The following GABRB2 variants were observed in gnomAD, a reference collection of about 807,000 sequenced individuals.
GABRB2 encodes the protein gamma-aminobutyric acid receptor subunit beta-2.
Under a neutral mutation model 54.7 loss-of-function variants are expected in GABRB2, and 16 were observed. The ratio of observed to expected loss-of-function variants is 0.29; its 90% CI spans 0.20 to 0.44. GABRB2 has a LOEUF of 0.44. GABRB2 is among the 20% of genes least tolerant of loss of function. The pLI is 1.00. For synonymous variants in GABRB2, 244 were observed against 233.8 expected, an observed-to-expected ratio of 1.04 and a Z score of -0.40; for missense variants, 355 against 644.0, an observed-to-expected ratio of 0.55 and a Z score of 4.86.
intron 5 of GABRB2, among the ~76,000 whole-genome samples, chr5:161,395,901 G>T (rs1282655540): frequency 6.6e-6 from 1 of 152,094 alleles, no homozygotes; most frequent in South Asian, 2.1e-4. Context: ...TGATTTGCAA[G>T]AATATAATAA....
At chr5:161,463,551 T>TTTTATATA (rs1554102435) in intron 3 of GABRB2, among the ~76,000 whole-genome samples, 4 of 30,264 alleles carry the variant, frequency 1.3e-4, no homozygotes, top group African/African-American at 4.3e-4. Flanking sequence ...CCAAATATTT[T>TTTTATATA]TATTTATATA....
chr5:161,457,219 ATG>A (rs1757981385), intron 4 of GABRB2, among the ~76,000 whole-genome samples: 2 of 152,134 alleles, frequency 1.3e-5, no homozygotes, highest in African/African-American at 4.8e-5. Flanking sequence ...AATTCTATGT[ATG>A]TTAGATGTGT....
intron 4 of GABRB2, among the ~76,000 whole-genome samples, chr5:161,440,913 C>T (rs1387127873): frequency 6.6e-6 from 1 of 152,130 alleles, no homozygotes; most frequent in East Asian, 1.9e-4. Flanking sequence ...ACTGTATATG[C>T]ATAAGCAAAA....
At chr5:161,315,533 C>G (rs996013541) in intron 9 of GABRB2, among the ~76,000 whole-genome samples, 13 of 151,982 alleles carry the variant, frequency 8.6e-5, no homozygotes, top group Non-Finnish European at 1.6e-4. Context: ...GATATCAGGA[C>G]CCATTATTAT....
At chr5:161,427,139 A>G (rs772991306) in intron 4 of GABRB2, among the ~76,000 whole-genome samples, 7 of 152,276 alleles carry the variant, frequency 4.6e-5, no homozygotes, top group Middle Eastern at 3.4e-3. Flanking sequence ...GATACTGGAT[A>G]TTAAAATCTG....
intron 3 of GABRB2, among the ~76,000 whole-genome samples, chr5:161,538,122 C>T (rs1209954247): frequency 1.3e-5 from 2 of 151,994 alleles, no homozygotes; most frequent in Non-Finnish European, 1.5e-5. Context: ...TGACTTTGTG[C>T]GCTATGATTC....
chr5:161,390,952 A>C (rs1755803204), intron 5 of GABRB2, among the ~76,000 whole-genome samples: 2 of 152,184 alleles, frequency 1.3e-5, no homozygotes, highest in South Asian at 4.1e-4. Context: ...GCAAAAATAG[A>C]AAATTTACGG....
At chr5:161,447,349 T>C (rs1007173276) in intron 4 of GABRB2, among the ~76,000 whole-genome samples, 3 of 152,194 alleles carry the variant, frequency 2.0e-5, no homozygotes, top group African/African-American at 7.2e-5. Context: ...CTAGTATTTT[T>C]ATGCCAGAAG....
chr5:161,475,420 C>G (rs1401339760), intron 3 of GABRB2, among the ~76,000 whole-genome samples: 1 of 151,884 alleles, frequency 6.6e-6, no homozygotes, highest in Admixed American at 6.6e-5. Flanking sequence ...TAGAATCAAT[C>G]CTCTCCAATC....
In GABRB2 at chr5:161,535,423, T is replaced by G. The variant is rs564492657; in HGVS notation, c.237+9804A>C. Among the ~76,000 whole-genome samples the G allele has an allele frequency of 2.0e-5, 3 of 152,264 alleles. No homozygotes were observed. The East Asian group carries it at 5.8e-4, about 29-fold the overall frequency. On this transcript the variant is annotated intron_variant, in intron 3 of 9. Transcript: ENST00000393959. The stretch of plus-strand genomic sequence containing the variant: ...AGTAATATTTGAGGAAGGATTAGTT[T>G]ATTTGGTCCACCAACTGTTTCCAAA...
intron 5 of GABRB2, among the ~76,000 whole-genome samples, chr5:161,404,263 C>A (rs1756284785): frequency 6.6e-6 from 1 of 152,058 alleles, no homozygotes; most frequent in Admixed American, 6.6e-5. Context: ...CAACACTGGA[C>A]ACAATTCAAG....
At chr5:161,527,890 C>T (rs915735017) in intron 3 of GABRB2, among the ~76,000 whole-genome samples, 2 of 151,624 alleles carry the variant, frequency 1.3e-5, no homozygotes, top group Non-Finnish European at 3.0e-5. Flanking sequence ...GGAACCGTGG[C>T]TTTGTAACAA....
chr5:161,372,549 C>A (rs1755163432), intron 5 of GABRB2, among the ~76,000 whole-genome samples: 1 of 152,152 alleles, frequency 6.6e-6, no homozygotes, highest in African/African-American at 2.4e-5. Context: ...TTAGCATCCA[C>A]TGAGGTATGT....
At chr5:161,445,514 G>T (rs570637944) in intron 4 of GABRB2, among the ~76,000 whole-genome samples, 1 of 152,194 alleles carries the variant, frequency 6.6e-6, no homozygotes, top group South Asian at 2.1e-4. Flanking sequence ...TGATGGGAAG[G>T]GGGAGTTGGA....
intron 3 of GABRB2, among the ~76,000 whole-genome samples, chr5:161,473,819 T>C (rs192519874): frequency 3.2e-4 from 49 of 151,918 alleles, no homozygotes; most frequent in African/African-American, 7.5e-4. Flanking sequence ...AGATGTAGAG[T>C]CAAGTAAAAT....
At chr5:161,432,448 C>CAGT (rs1266434115) in intron 4 of GABRB2, among the ~76,000 whole-genome samples, 2 of 152,098 alleles carry the variant, frequency 1.3e-5, no homozygotes, top group African/African-American at 4.8e-5. Context: ...TATGAGTTAT[C>CAGT]AGTGCAAAGG....
chr5:161,531,167 C>T (rs1259473284), intron 3 of GABRB2, among the ~76,000 whole-genome samples: 3 of 152,066 alleles, frequency 2.0e-5, no homozygotes, highest in African/African-American at 2.4e-5. Context: ...GATTTTACAA[C>T]CTAAAAATTG....
chr5:161,347,973 C>T (rs1293339671), intron 5 of GABRB2, among the ~76,000 whole-genome samples: 1 of 152,040 alleles, frequency 6.6e-6, no homozygotes, highest in Admixed American at 6.6e-5. Flanking sequence ...ATAGGTTAAG[C>T]CATATGACAT....
chr5:161,384,720 T>C (rs1044786607), intron 5 of GABRB2, among the ~76,000 whole-genome samples: 2 of 152,130 alleles, frequency 1.3e-5, no homozygotes, highest in Admixed American at 1.3e-4. Context: ...GTTTTCTTAA[T>C]TTAACAACAA....
Sources: allele counts gnomAD v4.1 joint callset (sites outside exome capture counted in the v4.1 genomes callset), GRCh38; gene constraint gnomAD v4.1.1; transcripts MANE v1.5; gene names NCBI Gene and HGNC (gene_info 2026-07-23, HGNC 2026-07-21).